The following SCUBE3 variants were observed in gnomAD, a reference collection of about 807,000 sequenced individuals.
SCUBE3 encodes the protein signal peptide, CUB and EGF-like domain-containing protein 3.
A neutral mutation model predicts 116.8 loss-of-function variants in SCUBE3; 33 were observed. The observed-to-expected ratio is 0.28, with a 90% CI of 0.21 to 0.38. SCUBE3 has a LOEUF of 0.38. SCUBE3 is among the 10% of genes least tolerant of loss of function. The pLI, the probability that SCUBE3 is intolerant of heterozygous loss-of-function variation, is 1.00. For missense variants in SCUBE3, 1,007 were observed against 1,324.8 expected (o/e 0.76, Z 3.72); for synonymous variants, 418 against 496.9 (o/e 0.84, Z 2.11).
rs66748362 is a variant in SCUBE3, at chr6:35,251,150, CTTTTTTTTTTTTTT to C, written c.*2453_*2466del. 1 of 84,430 alleles carries C rather than the reference CTTTTTTTTTTTTTT, an allele frequency of 1.2e-5. No homozygotes were observed. The highest frequency in any genetic ancestry group is 2.5e-5 in the Non-Finnish European group (1 of 40,694). 5.2% of individuals were successfully genotyped at this position (84,430 alleles called of 1,614,324 possible). A position where few individuals can be genotyped will look rare whatever the true frequency, so the allele number is the denominator to read the frequency against. ...CTAGGATAACTTTCTTTCTTTCTTTCTTTTTTTTTTTTTTTTTTTTTGAGATGGAGTCTCGCTCT... is the reference window on the plus strand; with the variant it reads ...CTAGGATAACTTTCTTTCTTTCTTTCTTTTTTTGAGATGGAGTCTCGCTCT... On this transcript the variant is annotated 3_prime_UTR_variant, in exon 22 of 22. Coordinates refer to ENST00000274938, the MANE Select transcript of SCUBE3 (RefSeq NM_152753.4).
rs1784519533 is a variant in SCUBE3 at position 35,250,671 on chromosome 6, CA to C, written c.*1968del. 1 of 151,896 alleles carries C rather than the reference CA, an allele frequency of 6.6e-6. No individual in the cohort carries two copies. The highest frequency in any genetic ancestry group is 2.1e-4 in the South Asian group (1 of 4,816). The allele number at this position is 151,896 out of a possible 1,614,324, so 9.4% of individuals were successfully genotyped here. A position where few individuals can be genotyped will look rare whatever the true frequency, so the allele number is the denominator to read the frequency against. On this transcript the variant is annotated 3_prime_UTR_variant, in exon 22 of 22. Coordinates refer to ENST00000274938, the MANE Select transcript of SCUBE3 (RefSeq NM_152753.4). ...TCTAGTTCCCCCAAAGCTGTAGTCC[CA>C]ATCAATCAAAGGCTACCAACTGAGT...
At position 35,235,531 on chromosome 6, in the gene SCUBE3, T is replaced by C. The variant is rs1184027917; in HGVS notation, c.712+2230T>C. 1 of 1,203,050 alleles carries C rather than the reference T, an allele frequency of 8.3e-7. No homozygotes were observed. Among genetic ancestry groups the C allele is most frequent in the Non-Finnish European group, 1.1e-6 (1 of 909,600 alleles). The allele number at this position is 1,203,050 out of a possible 1,614,324, so 74.5% of individuals were successfully genotyped here. A position where few individuals can be genotyped will look rare whatever the true frequency, so the allele number is the denominator to read the frequency against. On this transcript the variant is annotated intron_variant, in intron 6 of 21. Coordinates refer to ENST00000274938, the MANE Select transcript of SCUBE3 (RefSeq NM_152753.4). This position sits in a 1 kb window ranked among gnomAD's most constrained non-coding sequence, Gnocchi z 4.5. ...GCTCTCTCCGCTTGCTCTCACTGGCTTGCTAGGGGAAGGGCTAACCCGCTG... is the reference window on the plus strand; with the variant it reads ...GCTCTCTCCGCTTGCTCTCACTGGCCTGCTAGGGGAAGGGCTAACCCGCTG...
intron 6 of SCUBE3, 86 bp from the exon 7 acceptor site, chr6:35,237,816 G>A: frequency 1.3e-6 from 1 of 749,516 alleles, no homozygotes; most frequent in Non-Finnish European, 2.3e-6. Context: ...CTTCCCTCGG[G>A]CCTCTGTGGT....
rs142048778 is a variant in SCUBE3 at position 35,239,828 on chromosome 6, T to C, written c.906T>C (p.Ser302=). The C allele has an allele frequency of 3.2e-4, 513 of 1,611,178 alleles. 1 individual carries two copies. In the African/African-American group the frequency reaches 6.4e-3, roughly 20 times the overall value. ...CRNTVGSFEC[S]CKKGYKLLIN... is the part of the protein sequence containing the mutation. ...ACACAGTGGGCAGCTTCGAATGCAG[T>C]TGCAAGAAAGGCTATAAGCTTCTCA... Residue 302 remains serine, a synonymous_variant, in exon 8 of 22, where the codon AGT becomes AGC. Coordinates refer to ENST00000274938, the MANE Select transcript of SCUBE3 (RefSeq NM_152753.4). This position sits in a 1 kb window ranked among gnomAD's most constrained non-coding sequence, Gnocchi z 4.1.
chr6:35,247,438 C>CA (rs368013054), intron 21 of SCUBE3, among the ~76,000 whole-genome samples: 10,455 of 121,834 alleles, frequency 0.086, 1,004 homozygotes, highest in African/African-American at 0.24. Context: ...GACTCAGTCT[C>CA]AAAAAAAAAA....
Position 35,228,521 on chromosome 6 carries a change from A to T in SCUBE3, c.209-93A>T. The T allele has an allele frequency of 7.3e-7, 1 of 1,368,116 alleles. No homozygotes were observed. The highest frequency in any genetic ancestry group is 1.0e-6 in the Non-Finnish European group (1 of 980,530). The allele number at this position is 1,368,116 out of a possible 1,614,324, so 84.7% of individuals were successfully genotyped here. ...GCTAAATGGCTTATAGGCCATGAAC[A>T]TAACTATGTAAACACAACCATAAGG... On this transcript the variant is annotated intron_variant, in intron 2 of 21. Transcript: ENST00000274938. The surrounding 1 kb of genome is among the most constrained non-coding windows in gnomAD (Gnocchi z 4.9).
Position 35,219,189 on chromosome 6 carries a change from A to G in SCUBE3, c.85+4686A>G, listed in dbSNP as rs1458066612. On this transcript the variant is annotated intron_variant, in intron 1 of 21. Transcript: ENST00000274938. This position sits in a 1 kb window ranked among gnomAD's most constrained non-coding sequence, Gnocchi z 4.7. ...TTCTTACTGTGTCCATGAAGTGGGT[A>G]TTTATCCCTGGAAATAGCCCCTGAA... Among the ~76,000 whole-genome samples the G allele has an allele frequency of 6.6e-6, 1 of 152,120 alleles. No individual in the cohort carries two copies. The highest frequency in any genetic ancestry group is 2.4e-5 in the African/African-American group (1 of 41,406).
chr6:35,237,931 G>T lies in SCUBE3; in HGVS notation c.742G>T (p.Asp248Tyr), dbSNP rs758612398. The change falls in exon 7 of 22, where the codon GAC (aspartate) becomes TAC (tyrosine). Residue 248 changes from aspartate to tyrosine, a missense_variant. Coordinates refer to ENST00000274938, the MANE Select transcript of SCUBE3 (RefSeq NM_152753.4). ...ETCAVNNGGC[D>Y]SKCHDAATGV... ...CTGTGCTGTCAACAACGGGGGCTGT[G>T]ACAGTAAGTGCCATGATGCAGCGAC... The T allele has an allele frequency of 6.2e-7, 1 of 1,612,778 alleles. No homozygotes were observed. Among genetic ancestry groups the T allele is most frequent in the Admixed American group, 1.7e-5 (1 of 60,012 alleles).
intron 14 of SCUBE3, 57 bp from the exon 15 acceptor site, chr6:35,242,964 C>T: frequency 6.4e-7 from 1 of 1,570,722 alleles, no homozygotes; most frequent in Non-Finnish European, 8.8e-7. Context: ...GCTCCCCTGC[C>T]CTCCTGCTCA....
Position 35,214,390 on chromosome 6 carries a change from C to G in SCUBE3, c.-29C>G. The stretch of plus-strand genomic sequence containing the variant: ...CCTCCCCTGGCCGCGAGACCGGCCC[C>G]GGCGGCTGGGCCGCCAGTAGCTCCA... On this transcript the variant is annotated 5_prime_UTR_variant, in exon 1 of 22. Transcript: ENST00000274938. This position sits in a 1 kb window ranked among gnomAD's most constrained non-coding sequence, Gnocchi z 6.3. 4.3e-6 allele frequency: 6 copies of G among 1,398,730 alleles called. No homozygotes were observed. Among genetic ancestry groups the G allele is most frequent in the Middle Eastern group, 2.5e-4 (1 of 3,936 alleles). The allele number at this position is 1,398,730 out of a possible 1,614,324, so 86.6% of individuals were successfully genotyped here.
In SCUBE3 at chr6:35,243,071, G is replaced by C; in HGVS notation, c.1744G>C (p.Gly582Arg). Residue 582 changes from glycine to arginine, a missense_variant, in exon 15 of 22, where the codon GGA becomes CGA. Gly to Arg is a moderately radical substitution (Grantham distance 125). Around this residue, in one of 5 missense-constraint regions of SCUBE3, gnomAD observed 544 missense variants for 638.9 expected, o/e 0.85. Transcript: ENST00000274938. The surrounding 1 kb of genome is among the most constrained non-coding windows in gnomAD (Gnocchi z 6.6). ...ACAGCGAATGGAACGGCGGCTGAAA[G>C]GATCCCTGAAGATGCTCAGAAAGTC... ...LRQRMERRLK[G>R]SLKMLRKSIN... 1 of 1,614,170 alleles carries C rather than the reference G, an allele frequency of 6.2e-7. No homozygotes were observed. Among genetic ancestry groups the C allele is most frequent in the Non-Finnish European group, 8.5e-7 (1 of 1,180,046 alleles).
rs141661914 is a variant in SCUBE3 at position 35,241,648 on chromosome 6, G to A, written c.1301G>A (p.Arg434Gln). 2.2e-3 allele frequency: 3,484 copies of A among 1,611,802 alleles called. 4 individuals carry two copies. Among genetic ancestry groups the A allele is most frequent in the Non-Finnish European group, 2.7e-3 (3,202 of 1,177,818 alleles). The change falls in exon 11 of 22, where the codon CGA becomes CAA. Residue 434 changes from arginine (R) to glutamine (Q), a missense_variant. By Grantham distance (43) the Arg-to-Gln change is conservative. Coordinates refer to ENST00000274938, the MANE Select transcript of SCUBE3 (RefSeq NM_152753.4). This position sits in a 1 kb window ranked among gnomAD's most constrained non-coding sequence, Gnocchi z 4.1. ...TCALTCPSRA[R>Q]FLPESENGFT... ...GCCCTGACCTGTCCCTCCAGGGCCC[G>A]ATTTTTGCCAGGTACATGGGAGGAG...
chr6:35,214,532 G>C lies in SCUBE3; in HGVS notation c.85+29G>C. 2 of 1,375,384 alleles carry C rather than the reference G, an allele frequency of 1.5e-6. No homozygotes were observed. The highest frequency in any genetic ancestry group is 9.6e-7 in the Non-Finnish European group (1 of 1,039,474). 85.2% of individuals were successfully genotyped at this position (1,375,384 alleles called of 1,614,324 possible). A position where few individuals can be genotyped will look rare whatever the true frequency, so the allele number is the denominator to read the frequency against. Reference sequence around the variant, plus strand: ...AGGAAGGAGGGGCGCGCGGCCTGGGGGCTGTCCTGGCTGCTGGGCCTCAGG... The same window carrying C: ...AGGAAGGAGGGGCGCGCGGCCTGGGCGCTGTCCTGGCTGCTGGGCCTCAGG... On this transcript the variant is annotated intron_variant, in intron 1 of 21. Transcript: ENST00000274938. This position sits in a 1 kb window ranked among gnomAD's most constrained non-coding sequence, Gnocchi z 6.3.
rs574904309 is a variant in SCUBE3, at chr6:35,232,728, C to T, written c.470-122C>T. ...CTGGGACAAGGAGAGTCAGTCCCCT[C>T]GTGTTGAATTCAACCTCAGTAGAAT... On this transcript the variant is annotated intron_variant, in intron 4 of 21. Coordinates refer to ENST00000274938, the MANE Select transcript of SCUBE3 (RefSeq NM_152753.4). The surrounding 1 kb of genome is among the most constrained non-coding windows in gnomAD (Gnocchi z 4.2). 4.3e-6 allele frequency: 4 copies of T among 930,382 alleles called. No individual in the cohort carries two copies. Among genetic ancestry groups the T allele is most frequent in the Non-Finnish European group, 5.0e-6 (3 of 597,608 alleles). The allele number at this position is 930,382 out of a possible 1,614,324, so 57.6% of individuals were successfully genotyped here.
At chr6:35,215,102 C>T (rs1006247862) in intron 1 of SCUBE3, among the ~76,000 whole-genome samples, 91 of 152,296 alleles carry the variant, frequency 6.0e-4, no homozygotes, top group African/African-American at 1.7e-3. Flanking sequence ...AGGAATGTTG[C>T]GTTTCTGCCT....
In SCUBE3 at chr6:35,245,301, A is replaced by C. The variant is rs917223746; in HGVS notation, c.2475A>C (p.Pro825=). ...IESPNYPGNY[P]AGVECIWNIN... ...CCCCCAACTACCCGGGCAACTACCCAGCTGGTGTGGAGTGCATCTGGAACA... is the reference window on the plus strand; with the variant it reads ...CCCCCAACTACCCGGGCAACTACCCCGCTGGTGTGGAGTGCATCTGGAACA... The change falls in exon 19 of 22, where the codon CCA becomes CCC. Residue 825 remains proline (P), a synonymous_variant. Transcript: ENST00000274938. The surrounding 1 kb of genome is among the most constrained non-coding windows in gnomAD (Gnocchi z 4.2). 6.2e-7 allele frequency: 1 copy of C among 1,614,144 alleles called. No homozygotes were observed. The highest frequency in any genetic ancestry group is 8.5e-7 in the Non-Finnish European group (1 of 1,180,010).
rs1217952081 is a variant in SCUBE3 at position 35,214,594 on chromosome 6, G to A, written c.85+91G>A. 1.3e-6 allele frequency: 1 copy of A among 795,472 alleles called. No homozygotes were observed. Among genetic ancestry groups the A allele is most frequent in the Non-Finnish European group, 1.8e-6 (1 of 567,342 alleles). The allele number at this position is 795,472 out of a possible 1,614,324, so 49.3% of individuals were successfully genotyped here. On this transcript the variant is annotated intron_variant, in intron 1 of 21. Transcript: ENST00000274938. The surrounding 1 kb of genome is among the most constrained non-coding windows in gnomAD (Gnocchi z 6.3). ...ATTCCCGAGGGGCAGGGCAGGTGCT[G>A]GGGAGCGTGCTGCTGTCAGAACCCG...
chr6:35,238,775 G>A (rs934003601), intron 7 of SCUBE3, among the ~76,000 whole-genome samples: 3 of 152,108 alleles, frequency 2.0e-5, no homozygotes, highest in Non-Finnish European at 4.4e-5. Context: ...GAGGAAAAAG[G>A]CAGGGTAGCC....
Position 35,239,330 on chromosome 6 carries a change from C to T in SCUBE3, c.830-422C>T, listed in dbSNP as rs1486853926. ...TCTCCTTGCCCCGCACCCCCCCAAC[C>T]CCCCGTCCTGAGGGACAGGAAAGAG... is the stretch of plus-strand genomic sequence containing the variant. On this transcript the variant is annotated intron_variant, in intron 7 of 21. Coordinates refer to ENST00000274938, the MANE Select transcript of SCUBE3 (RefSeq NM_152753.4). The surrounding 1 kb of genome is among the most constrained non-coding windows in gnomAD (Gnocchi z 4.1). 6.6e-6 allele frequency among the ~76,000 whole-genome samples: 1 copy of T among 152,120 alleles called. No individual in the cohort carries two copies. The highest frequency in any genetic ancestry group is 1.5e-5 in the Non-Finnish European group (1 of 68,028).
Sources: allele counts gnomAD v4.1 joint callset (sites outside exome capture counted in the v4.1 genomes callset), GRCh38; gene constraint gnomAD v4.1.1; regional missense constraint gnomAD v4.1.1; non-coding constraint Gnocchi (gnomAD v3.1); transcripts MANE v1.5; gene names NCBI Gene and HGNC (gene_info 2026-07-23, HGNC 2026-07-21).